RGSL1: variants seen among roughly 807,000 people sequenced by gnomAD.
RGSL1 encodes regulator of G protein signaling protein-like.
A neutral mutation model predicts 124.7 loss-of-function variants in RGSL1; 97 were observed. The observed-to-expected ratio is 0.78, with a 90% CI of 0.66 to 0.92. RGSL1 has a LOEUF of 0.92. Among genes scored for constraint, RGSL1 ranks in the 40% least tolerant of loss-of-function variants. The probability of loss-of-function intolerance (pLI) is 0.00; values close to 1 mark genes in which losing one functional copy is unlikely to be tolerated. For synonymous variants in RGSL1, 424 were observed against 438.1 expected (o/e 0.97, Z 0.40); for missense variants, 1,233 against 1,288.4 (o/e 0.96, Z 0.66).
At chr1:182,477,336 A>G (rs779194769) in intron 6 of RGSL1, among the ~76,000 whole-genome samples, 1 of 152,214 alleles carries the variant, frequency 6.6e-6, no homozygotes, top group Non-Finnish European at 1.5e-5. Flanking sequence ...AGCAGAAACT[A>G]TGCCTGCTTA....
intron 9 of RGSL1, among the ~76,000 whole-genome samples, 191 bp from the exon 10 acceptor site, chr1:182,521,813 T>C (rs1301188210): frequency 6.6e-6 from 1 of 152,228 alleles, no homozygotes; most frequent in Non-Finnish European, 1.5e-5. Context: ...CCTGGACTGA[T>C]GTTCATGTCA....
chr1:182,554,511 T>C, intron 19 of RGSL1, 116 bp from the exon 20 acceptor site: 2 of 807,814 alleles, frequency 2.5e-6, no homozygotes, highest in Non-Finnish European at 4.1e-6. Flanking sequence ...TTCCAACCCC[T>C]ACATTGGAGG....
chr1:182,506,200 A>T (rs574043289), intron 9 of RGSL1, among the ~76,000 whole-genome samples: 1 of 152,300 alleles, frequency 6.6e-6, no homozygotes, highest in East Asian at 1.9e-4. Flanking sequence ...ATATGTTGAC[A>T]TGAAGTTGTT....
At chr1:182,515,309 C>T (rs947509420) in intron 9 of RGSL1, among the ~76,000 whole-genome samples, 2 of 152,096 alleles carry the variant, frequency 1.3e-5, no homozygotes, top group Non-Finnish European at 2.9e-5. Flanking sequence ...TTACATTGTG[C>T]CTGTTGCCTG....
intron 1 of RGSL1, among the ~76,000 whole-genome samples, chr1:182,452,006 AGAGATT>A (rs1273919127): frequency 1.3e-5 from 2 of 152,030 alleles, no homozygotes; most frequent in African/African-American, 4.8e-5. Flanking sequence ...CAAGAGTAAG[AGAGATT>A]GAGAGTGAGA....
At chr1:182,556,272 AG>A (rs1221181233) in intron 21 of RGSL1, 50 bp downstream of exon 21, 1 of 538,850 alleles carries the variant, frequency 1.9e-6, no homozygotes, top group Non-Finnish European at 3.3e-6. Flanking sequence ...CACTACAGTG[AG>A]TTGGGTCAGG....
chr1:182,546,596 G>A (rs1660225925), intron 15 of RGSL1, among the ~76,000 whole-genome samples: 1 of 152,134 alleles, frequency 6.6e-6, no homozygotes, highest in Non-Finnish European at 1.5e-5. Flanking sequence ...GTTTCACCAT[G>A]TTGGCCAGGA....
chr1:182,473,894 T>A lies in RGSL1; in HGVS notation c.783T>A (p.Pro261=), dbSNP rs371357734. 2.7e-5 allele frequency: 42 copies of A among 1,551,822 alleles called. No homozygotes were observed. Among genetic ancestry groups the A allele is most frequent in the Non-Finnish European group, 8.7e-7 (1 of 1,147,044 alleles). The part of the protein sequence containing the change: ...AKRKMWQLVD[P]DSWSLEMDLK... ...GGAAGATGTGGCAATTGGTAGATCCTGACTCTTGGTCTCTGGAAATGGATC... is the reference window on the plus strand; with the variant it reads ...GGAAGATGTGGCAATTGGTAGATCCAGACTCTTGGTCTCTGGAAATGGATC... The change falls in exon 6 of 22, where the codon CCT becomes CCA. Residue 261 remains proline (P), a synonymous_variant. Transcript: ENST00000294854.
At chr1:182,518,061 A>G (rs919823137) in intron 9 of RGSL1, among the ~76,000 whole-genome samples, 2 of 40,200 alleles carry the variant, frequency 5.0e-5, no homozygotes, top group Non-Finnish European at 1.2e-4. Context: ...TTGTTTTGAG[A>G]CAGAGTTTTG....
chr1:182,501,720 C>T (rs1003964618), intron 9 of RGSL1, among the ~76,000 whole-genome samples: 5 of 152,106 alleles, frequency 3.3e-5, no homozygotes, highest in Admixed American at 2.6e-4. Flanking sequence ...CCATAGCTTT[C>T]GTGGGTTGTC....
chr1:182,555,728 C>G, intron 20 of RGSL1: 1 of 392,064 alleles, frequency 2.6e-6, no homozygotes, highest in South Asian at 3.1e-5. Context: ...CCAGACTTGT[C>G]CTTCCAACAG....
At chr1:182,550,397 G>A (rs981822041) in intron 17 of RGSL1, 6 of 152,226 alleles carry the variant, frequency 3.9e-5, no homozygotes, top group African/African-American at 1.4e-4. Context: ...AAGGAGAGGG[G>A]AGGAGGGCAG....
At chr1:182,468,592 G>A (rs950215428) in intron 4 of RGSL1, among the ~76,000 whole-genome samples, 4 of 152,066 alleles carry the variant, frequency 2.6e-5, no homozygotes, top group African/African-American at 7.2e-5. Context: ...ACAGGAAGGG[G>A]AACATCACAC....
At chr1:182,462,508 TG>T (rs1369825913) in intron 4 of RGSL1, among the ~76,000 whole-genome samples, 2 of 152,204 alleles carry the variant, frequency 1.3e-5, no homozygotes, top group African/African-American at 4.8e-5. Context: ...TGCCCTTTTT[TG>T]TTTTTTCAAG....
intron 9 of RGSL1, 81 bp from the exon 10 acceptor site, chr1:182,521,923 G>A: frequency 2.1e-6 from 2 of 934,374 alleles, no homozygotes; most frequent in Non-Finnish European, 3.2e-6. Context: ...TGAACTTTAT[G>A]TCTGAAAAAT....
At chr1:182,515,567 T>C (rs1013640764) in intron 9 of RGSL1, among the ~76,000 whole-genome samples, 2 of 51,780 alleles carry the variant, frequency 3.9e-5, no homozygotes, top group African/African-American at 7.7e-5. Context: ...GGGGGCGGGG[T>C]GGAGGGCGTG....
chr1:182,498,800 G>T (rs267847), intron 9 of RGSL1, among the ~76,000 whole-genome samples: 126,120 of 148,086 alleles, frequency 0.85, 54,004 homozygotes, highest in African/African-American at 0.89. Context: ...TTGTTTGTTT[G>T]TTTTTTTTTG....
intron 9 of RGSL1, among the ~76,000 whole-genome samples, chr1:182,515,755 C>A (rs952226408): frequency 4.6e-5 from 7 of 152,128 alleles, no homozygotes; most frequent in African/African-American, 1.7e-4. Flanking sequence ...TTTTTCCCAC[C>A]CGCACCGTGG....
chr1:182,553,561 C>G lies in RGSL1; in HGVS notation c.3130+20C>G. ...AAAATTGTGAGTTGGAATTGGATCCCCACTGATAGTTTGCTACTCAATCAG... is the reference window on the plus strand; with the variant it reads ...AAAATTGTGAGTTGGAATTGGATCCGCACTGATAGTTTGCTACTCAATCAG... On this transcript the variant is annotated intron_variant, in intron 19 of 21. Coordinates refer to ENST00000294854, the MANE Select transcript of RGSL1 (RefSeq NM_001137669.2). 1 of 1,548,008 alleles carries G rather than the reference C, an allele frequency of 6.5e-7. No individual in the cohort carries two copies. The highest frequency in any genetic ancestry group is 8.7e-7 in the Non-Finnish European group (1 of 1,143,804).
Sources: allele counts gnomAD v4.1 joint callset (sites outside exome capture counted in the v4.1 genomes callset), GRCh38; gene constraint gnomAD v4.1.1; transcripts MANE v1.5; gene names NCBI Gene and HGNC (gene_info 2026-07-23, HGNC 2026-07-21).